Variants in IARS2 observed in about 807,000 individuals in gnomAD.
IARS2 encodes isoleucyl-tRNA synthetase 2, mitochondrial.
In IARS2, 56 loss-of-function variants were observed where a neutral mutation model predicts 126.3. The observed-to-expected ratio is 0.44, with a 90% confidence interval of 0.36 to 0.55. IARS2 has a LOEUF of 0.55. Among genes scored for constraint, IARS2 ranks in the 20% least tolerant of loss-of-function variants. The pLI is 0.00. For synonymous variants in IARS2, 407 were observed against 441.1 expected (o/e 0.92, Z 0.97); for missense variants, 1,127 against 1,245.9 (o/e 0.90, Z 1.44).
chr1:220,141,138 GA>G (rs1657484990), intron 19 of IARS2, among the ~76,000 whole-genome samples: 1 of 152,152 alleles, frequency 6.6e-6, no homozygotes, highest in Non-Finnish European at 1.5e-5. Context: ...TCGTGATTGA[GA>G]AGGAAAAGCA....
intron 2 of IARS2, among the ~76,000 whole-genome samples, chr1:220,096,705 C>G (rs568150394): frequency 2.0e-5 from 3 of 152,084 alleles, no homozygotes; most frequent in African/African-American, 7.2e-5. Context: ...TGGGCTTAGG[C>G]ATCTGTAGTT....
intron 12 of IARS2, among the ~76,000 whole-genome samples, chr1:220,116,000 T>G (rs1164650768): frequency 6.6e-6 from 1 of 152,164 alleles, no homozygotes; most frequent in East Asian, 1.9e-4. Context: ...GCGGCAGGAT[T>G]GCTTGAAGCC....
rs2789788 is a variant in IARS2 at position 220,102,036 on chromosome 1, G to A, written c.551-93G>A. ...AAAAAATTTGCATTCTAAACTGTCT[G>A]TAGCATTTGCATTTAGAGAGATACA... On this transcript the variant is annotated intron_variant, in intron 3 of 22. Transcript: ENST00000366922. The A allele has an allele frequency of 0.4, 490,397 of 1,219,918 alleles. 102,528 individuals carry two copies. Among genetic ancestry groups the A allele is most frequent in the African/African-American group, 0.65 (42,073 of 65,156 alleles). 75.6% of individuals were successfully genotyped at this position (1,219,918 alleles called of 1,614,324 possible). A position where few individuals can be genotyped will look rare whatever the true frequency, so the allele number is the denominator to read the frequency against.
chr1:220,100,706 A>G lies in IARS2; in HGVS notation c.550+57A>G, dbSNP rs988488529. The G allele has an allele frequency of 2.2e-6, 3 of 1,386,756 alleles. No homozygotes were observed. In the African/African-American group the frequency reaches 4.4e-5, roughly 20 times the overall value. 85.9% of individuals were successfully genotyped at this position (1,386,756 alleles called of 1,614,324 possible). On this transcript the variant is annotated intron_variant, in intron 3 of 22. Transcript: ENST00000366922. ...TATTTGTAAACACTCAGGTCCTTGA[A>G]ATAGTCAGAACTTTACCAAAGGAAC...
At chr1:220,099,830 CA>C (rs1656535054) in intron 2 of IARS2, among the ~76,000 whole-genome samples, 1 of 151,778 alleles carries the variant, frequency 6.6e-6, no homozygotes, top group Admixed American at 6.6e-5. Flanking sequence ...ACTCAGATCA[CA>C]AGGCTCCTTC....
chr1:220,114,544 T>A (rs1241875548), intron 12 of IARS2, 70 bp downstream of exon 12: 1 of 1,200,096 alleles, frequency 8.3e-7, no homozygotes, highest in Non-Finnish European at 1.2e-6. Context: ...TGAAAAATAA[T>A]GTGGATGATT....
intron 2 of IARS2, among the ~76,000 whole-genome samples, chr1:220,098,078 G>A (rs772112865): frequency 6.6e-6 from 1 of 151,906 alleles, no homozygotes; most frequent in African/African-American, 2.4e-5. Flanking sequence ...TAGTAGAGAC[G>A]TGGTTTCACC....
At chr1:220,133,570 A>G (rs1657311382) in intron 14 of IARS2, among the ~76,000 whole-genome samples, 1 of 152,226 alleles carries the variant, frequency 6.6e-6, no homozygotes, top group African/African-American at 2.4e-5. Context: ...TTACAAATAA[A>G]AGGGATTATG....
intron 1 of IARS2, among the ~76,000 whole-genome samples, 189 bp from the exon 2 acceptor site, chr1:220,095,915 T>G (rs1406238134): frequency 6.6e-6 from 1 of 152,164 alleles, no homozygotes; most frequent in Non-Finnish European, 1.5e-5. Context: ...ACTGAAAGAT[T>G]TTAAGAGATG....
Position 220,094,215 on chromosome 1 carries a change from C to G in IARS2, c.-2C>G, listed in dbSNP as rs983503173. The G allele has an allele frequency of 7.0e-6, 11 of 1,566,428 alleles. No individual in the cohort carries two copies. Among genetic ancestry groups the G allele is most frequent in the Non-Finnish European group, 7.8e-6 (9 of 1,158,464 alleles). On this transcript the variant is annotated 5_prime_UTR_variant, in exon 1 of 23. Transcript: ENST00000366922. The stretch of plus-strand genomic sequence containing the variant: ...GACCCCGCTCTCAGGGGTTGCCGGA[C>G]CATGCGTTGGGGGCTGCGCCCTCGC...
Position 220,138,784 on chromosome 1 carries a change from T to C in IARS2, c.2176-224T>C, listed in dbSNP as rs1657431399. On this transcript the variant is annotated intron_variant, in intron 17 of 22. Transcript: ENST00000366922. Reference sequence around the variant, plus strand: ...AGAAATATAATGAAAATTCAGTCGTTAGGCGTAAAATCCAGTGGTTGTTCC... The same window carrying C: ...AGAAATATAATGAAAATTCAGTCGTCAGGCGTAAAATCCAGTGGTTGTTCC... Among the ~76,000 whole-genome samples the C allele has an allele frequency of 2.0e-5, 3 of 152,172 alleles. No homozygotes were observed. The East Asian group carries it at 5.8e-4, about 29-fold the overall frequency.
At chr1:220,119,960 T>A (rs1405496363) in intron 12 of IARS2, among the ~76,000 whole-genome samples, 2 of 152,268 alleles carry the variant, frequency 1.3e-5, no homozygotes, top group East Asian at 3.9e-4. Flanking sequence ...ATTATCTTTT[T>A]AGATTTTGTT....
At chr1:220,104,305 G>A (rs930045791) in intron 8 of IARS2, among the ~76,000 whole-genome samples, 1 of 152,098 alleles carries the variant, frequency 6.6e-6, no homozygotes, top group Admixed American at 6.6e-5. Context: ...GCTATAATTT[G>A]GGACTTTTGA....
At position 220,100,646 on chromosome 1, in the gene IARS2, A is replaced by G; in HGVS notation, c.547A>G (p.Lys183Glu). The change falls in exon 3 of 23, where the codon AAA (lysine) becomes GAA (glutamate). Residue 183 changes from lysine to glutamate, a missense_variant. Lys to Glu is a moderately conservative substitution (Grantham distance 56). Transcript: ENST00000366922. ...QNLSAMEIRK[K>E]ARSFAKAAIE... ...TCTTTCAGCTATGGAAATTAGAAAG[A>G]AAGGTAAATAATCTGTATTTCTGTT... is the stretch of plus-strand genomic sequence containing the variant. 1 of 1,599,950 alleles carries G rather than the reference A, an allele frequency of 6.3e-7. No individual in the cohort carries two copies. Among genetic ancestry groups the G allele is most frequent in the African/African-American group, 1.3e-5 (1 of 74,690 alleles).
chr1:220,100,763 G>T (rs1656555157), intron 3 of IARS2, 114 bp downstream of exon 3: 3 of 677,726 alleles, frequency 4.4e-6, no homozygotes, highest in Non-Finnish European at 7.0e-6. Context: ...CTTATAATAA[G>T]ATCTATTGGA....
At chr1:220,126,884 G>A (rs1276554135) in intron 14 of IARS2, 41 bp downstream of exon 14, 2 of 1,391,076 alleles carry the variant, frequency 1.4e-6, no homozygotes, top group East Asian at 4.6e-5. Context: ...AAGAAGTTTT[G>A]AAAATATGGA....
Position 220,103,571 on chromosome 1 carries a change from T to G in IARS2, c.1066+9T>G. 1 of 1,514,798 alleles carries G rather than the reference T, an allele frequency of 6.6e-7. No homozygotes were observed. 93.8% of individuals were successfully genotyped at this position (1,514,798 alleles called of 1,614,324 possible). On this transcript the variant is annotated intron_variant, in intron 8 of 22. Transcript: ENST00000366922. ...TATTTCAACACTTTCAGGTGAAGAT[T>G]TTTAGATATCTGACAACATAGTCAT...
intron 12 of IARS2, among the ~76,000 whole-genome samples, chr1:220,116,835 C>T (rs1301672146): frequency 2.0e-5 from 3 of 152,108 alleles, no homozygotes; most frequent in African/African-American, 7.2e-5. Context: ...CAACCTCCAC[C>T]TCCCAGGTTC....
rs748040726 is a variant in IARS2 at position 220,138,046 on chromosome 1, T to G, written c.2175+3T>G. ...CTGCCAGAGATGATATTAGCAAGGTTAGAACTATTATTCTTCCTATTTCTA... is the reference window on the plus strand; with the variant it reads ...CTGCCAGAGATGATATTAGCAAGGTGAGAACTATTATTCTTCCTATTTCTA... On this transcript the variant is annotated splice_donor_region_variant and intron_variant, in intron 17 of 22. Coordinates refer to ENST00000366922, the MANE Select transcript of IARS2 (RefSeq NM_018060.4). 1.9e-6 allele frequency: 3 copies of G among 1,613,846 alleles called. No homozygotes were observed. The South Asian group carries it at 3.3e-5, about 18-fold the overall frequency.
Sources: gnomAD v4.1 joint callset for allele counts (sites outside exome capture counted in the v4.1 genomes callset) on GRCh38, gnomAD v4.1.1 for gene constraint, MANE v1.5 for transcripts, NCBI Gene and HGNC (gene_info 2026-07-23, HGNC 2026-07-21) for gene names.